TBC1D22A: variants seen among roughly 807,000 people sequenced by gnomAD.
The protein encoded by TBC1D22A is putative GTPase activator.
TBC1D22A carries 38 observed loss-of-function variants against 60.2 expected under a neutral mutation model. The ratio of observed to expected loss-of-function variants is 0.63; its 90% confidence interval spans 0.49 to 0.83. The LOEUF is 0.83. TBC1D22A is among the 40% of genes least tolerant of loss of function. TBC1D22A has a pLI of 0.00. For missense variants in TBC1D22A, 628 were observed against 701.0 expected (o/e 0.90, Z 1.18); for synonymous variants, 302 against 281.7 (o/e 1.07, Z -0.72).
At chr22:46,870,287 C>G (rs532774442) in intron 4 of TBC1D22A, among the ~76,000 whole-genome samples, 1 of 152,330 alleles carries the variant, frequency 6.6e-6, no homozygotes, top group East Asian at 1.9e-4. Flanking sequence ...TCTGTCTGCT[C>G]TCTTTAGAGT....
At chr22:46,923,988 G>A (rs2070904118) in intron 8 of TBC1D22A, among the ~76,000 whole-genome samples, 1 of 152,146 alleles carries the variant, frequency 6.6e-6, no homozygotes, top group Non-Finnish European at 1.5e-5. Flanking sequence ...TTCAAACAGC[G>A]ACTGTCATAT....
chr22:47,121,300 G>A (rs186989559), intron 12 of TBC1D22A, among the ~76,000 whole-genome samples: 8 of 152,316 alleles, frequency 5.3e-5, no homozygotes, highest in South Asian at 2.1e-4. Flanking sequence ...GATACACAGC[G>A]TTTCTGCAGA....
intron 12 of TBC1D22A, among the ~76,000 whole-genome samples, chr22:47,160,289 C>T (rs2067926342): frequency 6.6e-6 from 1 of 152,242 alleles, no homozygotes; most frequent in South Asian, 2.1e-4. Flanking sequence ...GGTGGGTGCC[C>T]AGCAGAGTTC....
At chr22:47,047,972 C>T (rs2063083700) in intron 11 of TBC1D22A, among the ~76,000 whole-genome samples, 1 of 152,204 alleles carries the variant, frequency 6.6e-6, no homozygotes, top group Admixed American at 6.5e-5. Context: ...CAGTCTTTCC[C>T]CAGACCATGT....
intron 1 of TBC1D22A, among the ~76,000 whole-genome samples, chr22:46,786,243 T>G (rs1422796538): frequency 6.6e-6 from 1 of 152,230 alleles, no homozygotes; most frequent in Non-Finnish European, 1.5e-5. Context: ...TTTTATCATA[T>G]GCTTTTTCTG....
At chr22:46,901,314 G>T (rs1367646006) in intron 7 of TBC1D22A, among the ~76,000 whole-genome samples, 2 of 152,180 alleles carry the variant, frequency 1.3e-5, no homozygotes, top group Non-Finnish European at 2.9e-5. Flanking sequence ...CTTCAGTTAT[G>T]CCCGGATGTG....
At chr22:47,155,087 G>A (rs1162852568) in intron 12 of TBC1D22A, among the ~76,000 whole-genome samples, 1 of 152,180 alleles carries the variant, frequency 6.6e-6, no homozygotes, top group Non-Finnish European at 1.5e-5. Flanking sequence ...TGTCCTCTGT[G>A]TGTTGATCAG....
At chr22:47,074,005 C>T (rs1424128901) in intron 11 of TBC1D22A, among the ~76,000 whole-genome samples, 1 of 152,162 alleles carries the variant, frequency 6.6e-6, no homozygotes, top group African/African-American at 2.4e-5. Context: ...CCTCTGGTCT[C>T]AGCTACTCGG....
At chr22:47,154,083 C>T (rs985789137) in intron 12 of TBC1D22A, among the ~76,000 whole-genome samples, 11 of 152,070 alleles carry the variant, frequency 7.2e-5, no homozygotes, top group African/African-American at 1.9e-4. Context: ...AGGAAGAGGG[C>T]GCGTGGCTGG....
At chr22:46,821,882 G>A (rs572658045) in intron 4 of TBC1D22A, among the ~76,000 whole-genome samples, 3 of 152,096 alleles carry the variant, frequency 2.0e-5, no homozygotes, top group South Asian at 2.1e-4. Flanking sequence ...CCAGGCAATC[G>A]TAGGTTCGGT....
At chr22:47,039,720 A>G (rs1034999594) in intron 11 of TBC1D22A, among the ~76,000 whole-genome samples, 4 of 150,736 alleles carry the variant, frequency 2.7e-5, no homozygotes, top group African/African-American at 7.3e-5. Context: ...AAAAAAAAAA[A>G]AAAAAAAGAA....
intron 9 of TBC1D22A, among the ~76,000 whole-genome samples, chr22:46,985,703 A>G (rs1447626146): frequency 6.6e-6 from 1 of 152,166 alleles, no homozygotes; most frequent in Non-Finnish European, 1.5e-5. Context: ...TGTTGTGAAT[A>G]ACATTTCTGT....
intron 7 of TBC1D22A, among the ~76,000 whole-genome samples, chr22:46,908,984 G>A (rs777579260): frequency 1.3e-5 from 2 of 152,130 alleles, no homozygotes; most frequent in African/African-American, 2.4e-5. Flanking sequence ...CCCGGCCTGC[G>A]CAGATCTCTC....
intron 4 of TBC1D22A, among the ~76,000 whole-genome samples, chr22:46,859,030 G>A (rs1053393298): frequency 3.1e-5 from 4 of 127,528 alleles, no homozygotes; most frequent in African/African-American, 1.2e-4. Context: ...ATAGAGGTCC[G>A]CGCAGTGCTG....
At chr22:47,002,134 C>T (rs558741568) in intron 10 of TBC1D22A, among the ~76,000 whole-genome samples, 1 of 152,222 alleles carries the variant, frequency 6.6e-6, no homozygotes, top group Non-Finnish European at 1.5e-5. Flanking sequence ...AATAAATGTA[C>T]CTTTACTCTC....
At chr22:46,910,454 C>T (rs1474319621) in intron 7 of TBC1D22A, among the ~76,000 whole-genome samples, 2 of 152,156 alleles carry the variant, frequency 1.3e-5, no homozygotes, top group Non-Finnish European at 2.9e-5. Context: ...GTGTAGTTGG[C>T]TCTGCGGGGC....
intron 8 of TBC1D22A, among the ~76,000 whole-genome samples, chr22:46,920,845 A>G (rs956956862): frequency 6.6e-6 from 1 of 151,330 alleles, no homozygotes; most frequent in Non-Finnish European, 1.5e-5. Context: ...ATATCGGCTC[A>G]CTGCAACCTC....
chr22:47,122,702 C>A (rs1285803166), intron 12 of TBC1D22A, among the ~76,000 whole-genome samples: 1 of 152,252 alleles, frequency 6.6e-6, no homozygotes, highest in East Asian at 1.9e-4. Context: ...GTAGGAAAGA[C>A]AACAGCAGCA....
chr22:46,807,852 C>T (rs1291031007), intron 4 of TBC1D22A, among the ~76,000 whole-genome samples: 1 of 152,148 alleles, frequency 6.6e-6, no homozygotes, highest in African/African-American at 2.4e-5. Context: ...CTTGTAATCC[C>T]AGCAGTTGGG....
Sources: allele counts gnomAD v4.1 joint callset (sites outside exome capture counted in the v4.1 genomes callset), GRCh38; gene constraint gnomAD v4.1.1; transcripts MANE v1.5; gene names NCBI Gene and HGNC (gene_info 2026-07-23, HGNC 2026-07-21).